CCSER1: variants seen among roughly 807,000 people sequenced by gnomAD.
The protein encoded by CCSER1 is serine-rich coiled-coil domain-containing protein 1.
Under a neutral mutation model 82.0 loss-of-function variants are expected in CCSER1, and 41 were observed. That is an observed-to-expected ratio of 0.50 (90% CI 0.39 to 0.65). The LOEUF is 0.65. Ranked by LOEUF, CCSER1 falls within the 30% of genes least tolerant of loss-of-function variation. The pLI, the probability that CCSER1 is intolerant of heterozygous loss-of-function variation, is 0.00. For synonymous variants in CCSER1, 414 were observed against 383.9 expected (o/e 1.08, Z -0.92); for missense variants, 1,119 against 1,064.2 (o/e 1.05, Z -0.72).
At chr4:91,114,284 C>T (rs1159655096) in intron 10 of CCSER1, among the ~76,000 whole-genome samples, 1 of 152,036 alleles carries the variant, frequency 6.6e-6, no homozygotes, top group Non-Finnish European at 1.5e-5. Context: ...AATACTCTTA[C>T]TGTAGGGTGT....
intron 6 of CCSER1, among the ~76,000 whole-genome samples, chr4:90,662,009 T>TG (rs1364318634): frequency 6.6e-6 from 1 of 150,740 alleles, no homozygotes; most frequent in Non-Finnish European, 1.5e-5. Flanking sequence ...TCTTTTTTTT[T>TG]TTTTTTTGAG....
intron 10 of CCSER1, among the ~76,000 whole-genome samples, chr4:91,530,674 A>G (rs546693434): frequency 1.0e-4 from 14 of 136,834 alleles, no homozygotes; most frequent in Non-Finnish European, 9.2e-5. Flanking sequence ...AAAGAATTGT[A>G]TTTTTCTTTC....
Position 90,826,931 on chromosome 4 carries a change from G to A in CCSER1, c.2094+11086G>A, listed in dbSNP as rs370761739. On this transcript the variant is annotated intron_variant, in intron 8 of 10. Transcript: ENST00000509176. ...TTGTGATAGTGTTACTGGCAAAGCC[G>A]GTCCCCCAGAAGTGGGGGGTCTTTC... Among the ~76,000 whole-genome samples the A allele has an allele frequency of 3.8e-3, 579 of 152,248 alleles. 1 individual carries two copies. The highest frequency in any genetic ancestry group is 0.013 in the African/African-American group (539 of 41,536).
At chr4:90,480,379 T>G (rs1765755434) in intron 5 of CCSER1, among the ~76,000 whole-genome samples, 2 of 152,208 alleles carry the variant, frequency 1.3e-5, no homozygotes, top group South Asian at 4.1e-4. Flanking sequence ...CTCTTTAGCT[T>G]AATTAGATCC....
At chr4:90,435,561 C>T (rs1363307593) in intron 4 of CCSER1, among the ~76,000 whole-genome samples, 1 of 152,086 alleles carries the variant, frequency 6.6e-6, no homozygotes, top group Non-Finnish European at 1.5e-5. Flanking sequence ...ATAATATTCT[C>T]GTAACTTACC....
intron 9 of CCSER1, among the ~76,000 whole-genome samples, chr4:91,080,940 A>G (rs1487381255): frequency 6.6e-6 from 1 of 152,198 alleles, no homozygotes; most frequent in African/African-American, 2.4e-5. Context: ...AAAAAAGTCC[A>G]GGACCAGACG....
chr4:90,508,056 G>T (rs1770959810), intron 5 of CCSER1, among the ~76,000 whole-genome samples: 2 of 152,014 alleles, frequency 1.3e-5, no homozygotes, highest in South Asian at 4.1e-4. Context: ...GTTAATTCAT[G>T]TGTGAATCTG....
At chr4:90,661,135 A>AT (rs1730697952) in intron 6 of CCSER1, among the ~76,000 whole-genome samples, 1 of 152,178 alleles carries the variant, frequency 6.6e-6, no homozygotes, top group Non-Finnish European at 1.5e-5. Context: ...TGTGATAAAC[A>AT]TTTTTATTCC....
At chr4:91,077,937 G>A (rs897273799) in intron 9 of CCSER1, among the ~76,000 whole-genome samples, 10 of 152,236 alleles carry the variant, frequency 6.6e-5, no homozygotes, top group African/African-American at 2.4e-4. Flanking sequence ...AGGTAAAGCA[G>A]CCAGGGAAGC....
chr4:91,086,627 A>G (rs192081614), intron 10 of CCSER1, among the ~76,000 whole-genome samples: 1 of 152,208 alleles, frequency 6.6e-6, no homozygotes, highest in Non-Finnish European at 1.5e-5. Context: ...AACTGCACAA[A>G]AAAAATCATT....
intron 10 of CCSER1, among the ~76,000 whole-genome samples, chr4:91,196,365 A>C (rs1735436705): frequency 6.6e-6 from 1 of 152,168 alleles, no homozygotes; most frequent in African/African-American, 2.4e-5. Flanking sequence ...TGATGTATTC[A>C]ATAAGGAAGA....
intron 10 of CCSER1, among the ~76,000 whole-genome samples, chr4:91,491,948 G>GTA (rs1758566894): frequency 8.0e-6 from 1 of 124,596 alleles, no homozygotes; most frequent in East Asian, 2.3e-4. Context: ...ATTGCTAATA[G>GTA]TTTTTTTTTT....
Position 90,221,192 on chromosome 4 carries a change from G to A in CCSER1, c.-41-87052G>A, listed in dbSNP as rs72659483. Among the ~76,000 whole-genome samples, 8 of 152,206 alleles carry A rather than the reference G, an allele frequency of 5.3e-5. No individual in the cohort carries two copies. In the East Asian group the frequency reaches 7.7e-4, roughly 15 times the overall value. On this transcript the variant is annotated intron_variant, in intron 1 of 10. Transcript: ENST00000509176. ...AAATCCTAAACTATTATAAGTTTCC[G>A]TGGAAATATGCTTAATGGTAGTCTA...
intron 4 of CCSER1, among the ~76,000 whole-genome samples, chr4:90,460,443 G>A (rs910360947): frequency 4.0e-5 from 6 of 151,192 alleles, no homozygotes; most frequent in Non-Finnish European, 8.8e-5. Context: ...TAAAATGAAA[G>A]GTTACTATTG....
At chr4:91,378,255 A>C (rs1750587214) in intron 10 of CCSER1, among the ~76,000 whole-genome samples, 1 of 152,142 alleles carries the variant, frequency 6.6e-6, no homozygotes, top group African/African-American at 2.4e-5. Flanking sequence ...TTCCATATGA[A>C]CTTTAAAGTA....
chr4:90,269,798 C>A (rs1240882495), intron 1 of CCSER1, among the ~76,000 whole-genome samples: 1 of 150,694 alleles, frequency 6.6e-6, no homozygotes, highest in Admixed American at 6.6e-5. Context: ...ACTAAGAAAA[C>A]AGAAGAGGAA....
intron 10 of CCSER1, among the ~76,000 whole-genome samples, chr4:91,249,577 A>G (rs1291979856): frequency 6.6e-6 from 1 of 152,102 alleles, no homozygotes; most frequent in Non-Finnish European, 1.5e-5. Flanking sequence ...CAATCAGCTT[A>G]TTGTAGGTTT....
intron 8 of CCSER1, among the ~76,000 whole-genome samples, chr4:90,897,654 G>A (rs1225433809): frequency 1.3e-5 from 2 of 152,024 alleles, no homozygotes; most frequent in South Asian, 4.1e-4. Flanking sequence ...ATACCCAGTA[G>A]TGGGGTTGAA....
intron 9 of CCSER1, among the ~76,000 whole-genome samples, chr4:91,044,414 A>T (rs1742258799): frequency 6.6e-6 from 1 of 152,234 alleles, no homozygotes; most frequent in African/African-American, 2.4e-5. Flanking sequence ...CAAAATGTTC[A>T]TAATTACACT....
Sources: allele counts gnomAD v4.1 joint callset (sites outside exome capture counted in the v4.1 genomes callset), GRCh38; gene constraint gnomAD v4.1.1; transcripts MANE v1.5; gene names NCBI Gene and HGNC (gene_info 2026-07-23, HGNC 2026-07-21).